GLG1: variants seen among roughly 807,000 people sequenced by gnomAD.
The protein encoded by GLG1 is Golgi apparatus protein 1.
A neutral mutation model predicts 160.5 loss-of-function variants in GLG1; 38 were observed. The ratio of observed to expected loss-of-function variants is 0.24; its 90% CI spans 0.18 to 0.31. The LOEUF (loss-of-function observed/expected upper bound fraction) is 0.31. GLG1 is among the 10% of genes least tolerant of loss of function. The probability of loss-of-function intolerance (pLI) is 1.00; values close to 1 mark genes in which losing one functional copy is unlikely to be tolerated. For synonymous variants in GLG1, 644 were observed against 543.4 expected, an observed-to-expected ratio of 1.19 and a Z score of -2.57; for missense variants, 1,373 against 1,505.2, an observed-to-expected ratio of 0.91 and a Z score of 1.45.
chr16:74,454,386 T>C (rs149969463), intron 25 of GLG1, among the ~76,000 whole-genome samples: 2,796 of 150,950 alleles, frequency 0.019, 34 homozygotes, highest in Non-Finnish European at 0.027. Flanking sequence ...AAATTTTTTT[T>C]GGCCAGGCAT....
At chr16:74,578,310 T>C (rs1597366603) in intron 1 of GLG1, among the ~76,000 whole-genome samples, 1 of 152,322 alleles carries the variant, frequency 6.6e-6, no homozygotes, top group East Asian at 1.9e-4. Flanking sequence ...CTGCAGCTAC[T>C]GCCTTGTCCA....
At chr16:74,545,764 G>A (rs1333953063) in intron 1 of GLG1, among the ~76,000 whole-genome samples, 1 of 152,176 alleles carries the variant, frequency 6.6e-6, no homozygotes, top group African/African-American at 2.4e-5. Context: ...CAAACCAAGA[G>A]GGTATTGGTT....
At chr16:74,539,393 A>G (rs1341474480) in intron 1 of GLG1, among the ~76,000 whole-genome samples, 1 of 152,050 alleles carries the variant, frequency 6.6e-6, no homozygotes, top group Non-Finnish European at 1.5e-5. Flanking sequence ...CTGGTTCTTA[A>G]AAGGTCTCAC....
intron 1 of GLG1, among the ~76,000 whole-genome samples, chr16:74,576,700 T>C (rs1487467674): frequency 1.3e-5 from 2 of 152,142 alleles, no homozygotes; most frequent in Non-Finnish European, 2.9e-5. Context: ...CTGGAGAAAT[T>C]AGAGAACAAA....
chr16:74,598,740 CG>C (rs1958366316), intron 1 of GLG1, among the ~76,000 whole-genome samples: 1 of 151,006 alleles, frequency 6.6e-6, no homozygotes. Flanking sequence ...AAAAATTAGC[CG>C]GGTGTGCTGG....
intron 2 of GLG1, among the ~76,000 whole-genome samples, chr16:74,525,922 G>A (rs1352886053): frequency 6.6e-6 from 1 of 152,156 alleles, no homozygotes; most frequent in African/African-American, 2.4e-5. Context: ...TTGGGAGGCT[G>A]AGGCAGGCAG....
At chr16:74,460,244 C>T (rs2014735664) in intron 22 of GLG1, among the ~76,000 whole-genome samples, 1 of 152,194 alleles carries the variant, frequency 6.6e-6, no homozygotes, top group African/African-American at 2.4e-5. Flanking sequence ...TGGTCTCGAA[C>T]TTCTGATCTC....
intron 9 of GLG1, among the ~76,000 whole-genome samples, chr16:74,485,158 C>T (rs1182791935): frequency 4.6e-5 from 7 of 152,194 alleles, no homozygotes; most frequent in South Asian, 2.1e-4. Context: ...CCTCTCACCT[C>T]GGCCTCCCAA....
intron 1 of GLG1, among the ~76,000 whole-genome samples, chr16:74,580,818 A>G (rs904786903): frequency 1.3e-5 from 2 of 152,172 alleles, no homozygotes; most frequent in African/African-American, 4.8e-5. Flanking sequence ...ACAACAAAAT[A>G]CAAACAGCCT....
intron 4 of GLG1, among the ~76,000 whole-genome samples, chr16:74,497,638 C>T (rs1003948364): frequency 3.3e-5 from 5 of 151,946 alleles, no homozygotes; most frequent in African/African-American, 9.7e-5. Flanking sequence ...GGGGTTTCAC[C>T]GTGTTAGCCA....
chr16:74,454,627 C>T (rs1597212905), intron 25 of GLG1, among the ~76,000 whole-genome samples: 1 of 123,970 alleles, frequency 8.1e-6, no homozygotes, highest in East Asian at 2.6e-4. Context: ...GACTGCACTA[C>T]TGGACTCCAG....
chr16:74,459,630 GAGA>G, intron 23 of GLG1, 49 bp downstream of exon 23: 2 of 914,514 alleles, frequency 2.2e-6, no homozygotes, highest in South Asian at 1.5e-5. Context: ...AAAGGAAGAA[GAGA>G]AAAAAAAAAA....
chr16:74,583,205 T>C (rs1159452736), intron 1 of GLG1, among the ~76,000 whole-genome samples: 2 of 152,190 alleles, frequency 1.3e-5, no homozygotes, highest in Non-Finnish European at 2.9e-5. Context: ...GGCTTGGCCA[T>C]TTTCATAGCC....
chr16:74,577,632 G>A (rs9938395), intron 1 of GLG1, among the ~76,000 whole-genome samples: 300 of 151,388 alleles, frequency 2.0e-3, no homozygotes, highest in African/African-American at 7.0e-3. Flanking sequence ...TATTTTTTTG[G>A]AGACATTGTC....
rs562249680 is a variant in GLG1, at chr16:74,564,479, T to C, written c.439-32326A>G. 9.8e-5 allele frequency among the ~76,000 whole-genome samples: 15 copies of C among 152,324 alleles called. No homozygotes were observed. In the South Asian group the frequency reaches 2.7e-3, roughly 27 times the overall value. On this transcript the variant is annotated intron_variant, in intron 1 of 25. Coordinates refer to ENST00000422840, the MANE Select transcript of GLG1 (RefSeq NM_001145667.2). Reference sequence around the variant, plus strand: ...ATATTCTCTCAAAAGTTATAAATGTTTGCATGCAGCCATCTATGTAAGTTC... The same window carrying C: ...ATATTCTCTCAAAAGTTATAAATGTCTGCATGCAGCCATCTATGTAAGTTC...
intron 1 of GLG1, among the ~76,000 whole-genome samples, chr16:74,600,856 T>C (rs970727696): frequency 1.3e-5 from 2 of 152,058 alleles, no homozygotes; most frequent in African/African-American, 2.4e-5. Context: ...CCTAAAATAA[T>C]TTACTATCTG....
rs566848610 is a variant in GLG1, at chr16:74,487,261, G to A, written c.1450-1344C>T. ...GAATTTGAAAACTATAATCCTTACT[G>A]GTTTGCGTTCCCTTTTGCCAAGTTA... is the stretch of plus-strand genomic sequence containing the variant. On this transcript the variant is annotated intron_variant, in intron 8 of 25. Transcript: ENST00000422840. 3.1e-4 allele frequency among the ~76,000 whole-genome samples: 47 copies of A among 152,134 alleles called. No individual in the cohort carries two copies. In the South Asian group the frequency reaches 8.3e-3, roughly 27 times the overall value.
chr16:74,513,219 G>C (rs1292500144), intron 2 of GLG1, among the ~76,000 whole-genome samples: 3 of 152,148 alleles, frequency 2.0e-5, no homozygotes, highest in African/African-American at 7.2e-5. Flanking sequence ...GAGGTTAGTA[G>C]ACCAAGAGGC....
intron 2 of GLG1, among the ~76,000 whole-genome samples, chr16:74,512,730 C>A (rs2016853935): frequency 6.7e-6 from 1 of 149,294 alleles, no homozygotes; most frequent in Admixed American, 6.7e-5. Flanking sequence ...AGCTCAACCA[C>A]AGGAGGACAA....
Sources: allele counts gnomAD v4.1 joint callset (sites outside exome capture counted in the v4.1 genomes callset), GRCh38; gene constraint gnomAD v4.1.1; transcripts MANE v1.5; gene names NCBI Gene and HGNC (gene_info 2026-07-23, HGNC 2026-07-21).